The following AKR1A1 variants were observed in gnomAD, a reference collection of about 807,000 sequenced individuals.
The protein encoded by AKR1A1 is aldo-keto reductase family 1 member A1, also known as HEL-S-165mP.
AKR1A1 carries 26 observed loss-of-function variants against 39.2 expected under a neutral mutation model. The observed-to-expected ratio is 0.66, with a 90% CI of 0.49 to 0.92. The LOEUF (loss-of-function observed/expected upper bound fraction) is 0.92. Among genes scored for constraint, AKR1A1 ranks in the 40% least tolerant of loss-of-function variants. The pLI, the probability that AKR1A1 is intolerant of heterozygous loss-of-function variation, is 0.00. For missense variants in AKR1A1, 378 were observed against 406.5 expected (o/e 0.93, Z 0.60); for synonymous variants, 141 against 155.5 (o/e 0.91, Z 0.69).
At chr1:45,558,697 C>T (rs1418149933) in intron 1 of AKR1A1, among the ~76,000 whole-genome samples, 1 of 151,992 alleles carries the variant, frequency 6.6e-6, no homozygotes, top group Non-Finnish European at 1.5e-5. Flanking sequence ...CAAACCCGGC[C>T]TAATTTTTGT....
chr1:45,563,280 A>C (rs910363542), intron 2 of AKR1A1, among the ~76,000 whole-genome samples: 25 of 151,736 alleles, frequency 1.6e-4, no homozygotes, highest in Admixed American at 1.5e-3. Context: ...CACACCTGTA[A>C]TCCCAGCTAC....
At chr1:45,567,867 C>G in intron 4 of AKR1A1, 115 bp from the exon 5 acceptor site, 1 of 868,716 alleles carries the variant, frequency 1.2e-6, no homozygotes, top group Non-Finnish European at 1.7e-6. Context: ...TTTAAAAATT[C>G]TTGGCCCTTT....
intron 1 of AKR1A1, among the ~76,000 whole-genome samples, chr1:45,553,878 C>T (rs987593941): frequency 2.0e-4 from 30 of 152,146 alleles, no homozygotes; most frequent in African/African-American, 6.5e-4. Flanking sequence ...ACCTGTAGTC[C>T]CAGCTACTCG....
chr1:45,558,187 G>A (rs506094), intron 1 of AKR1A1, among the ~76,000 whole-genome samples: 2,263 of 150,794 alleles, frequency 0.015, 56 homozygotes, highest in African/African-American at 0.049. Context: ...AAGTGCTGGG[G>A]TTACAGACGT....
At chr1:45,563,713 C>T (rs182840730) in intron 2 of AKR1A1, among the ~76,000 whole-genome samples, 28 of 152,008 alleles carry the variant, frequency 1.8e-4, no homozygotes, top group African/African-American at 6.3e-4. Context: ...CACTTGAATC[C>T]GGGAGGCGGA....
chr1:45,555,075 G>T (rs1312944402), intron 1 of AKR1A1, among the ~76,000 whole-genome samples: 2 of 152,112 alleles, frequency 1.3e-5, no homozygotes, highest in African/African-American at 4.8e-5. Flanking sequence ...CAGGGCTTTG[G>T]TCTTTTGGTG....
Position 45,569,248 on chromosome 1 carries a change from C to T in AKR1A1, c.912+19C>T, listed in dbSNP as rs1644384946. On this transcript the variant is annotated intron_variant, in intron 8 of 8. Transcript: ENST00000351829. The stretch of plus-strand genomic sequence containing the variant: ...GCTTACGGTGAGGATGTATCAGCCT[C>T]CTAGACTTGGGGAATGTGAGATTTG... 6.2e-7 allele frequency: 1 copy of T among 1,604,228 alleles called. No individual in the cohort carries two copies. The highest frequency in any genetic ancestry group is 8.5e-7 in the Non-Finnish European group (1 of 1,171,006).
intron 8 of AKR1A1, 58 bp from the exon 9 acceptor site, chr1:45,569,832 TG>T: frequency 6.8e-7 from 1 of 1,475,930 alleles, no homozygotes; most frequent in Non-Finnish European, 9.5e-7. Flanking sequence ...GGAAGATGCC[TG>T]GAGTCTTTGG....
intron 1 of AKR1A1, among the ~76,000 whole-genome samples, chr1:45,559,836 C>T (rs1266110086): frequency 2.6e-5 from 4 of 151,228 alleles, no homozygotes; most frequent in Admixed American, 6.6e-5. Context: ...TTAGTAGAGA[C>T]GGGGTTTCGC....
chr1:45,566,843 A>C (rs1469920587), intron 3 of AKR1A1, 26 bp from the exon 4 acceptor site: 5 of 1,610,096 alleles, frequency 3.1e-6, no homozygotes, highest in Non-Finnish European at 4.2e-6. Flanking sequence ...GGCTCTTCTC[A>C]CTGTGGGCCC....
intron 5 of AKR1A1, 65 bp from the exon 6 acceptor site, chr1:45,568,420 G>A (rs1644373380): frequency 1.3e-6 from 2 of 1,570,750 alleles, no homozygotes; most frequent in African/African-American, 2.7e-5. Flanking sequence ...AGACATGCAT[G>A]TCTGGGATGG....
intron 1 of AKR1A1, among the ~76,000 whole-genome samples, chr1:45,560,453 G>A (rs1348064152): frequency 6.6e-6 from 1 of 152,126 alleles, no homozygotes; most frequent in Non-Finnish European, 1.5e-5. Flanking sequence ...CTCTAAAAAA[G>A]TTTAAAAACA....
chr1:45,561,032 T>G (rs1333722426), intron 1 of AKR1A1, among the ~76,000 whole-genome samples: 1 of 152,134 alleles, frequency 6.6e-6, no homozygotes, highest in Admixed American at 6.5e-5. Flanking sequence ...TGGCCGAGAA[T>G]CTCTGTAGTT....
Position 45,568,483 on chromosome 1 carries a change from A to G in AKR1A1, c.553-2A>G. 1 of 1,613,566 alleles carries G rather than the reference A, an allele frequency of 6.2e-7. No individual in the cohort carries two copies. The highest frequency in any genetic ancestry group is 2.2e-5 in the East Asian group (1 of 44,880). The stretch of plus-strand genomic sequence containing the variant: ...ATGGTGATGGGTTATTCTTTGGCTC[A>G]GGTGGAATGCCACCCATACTTGGCT... On this transcript the variant is annotated splice_acceptor_variant, in intron 5 of 8. Coordinates refer to ENST00000351829, the MANE Select transcript of AKR1A1 (RefSeq NM_153326.3). LOFTEE classifies it high-confidence loss of function.
In AKR1A1 at chr1:45,567,983, C is replaced by T. The variant is rs755403104; in HGVS notation, c.358C>T (p.Arg120Trp). Residue 120 changes from arginine to tryptophan, a missense_variant and splice_region_variant, in exon 5 of 9, where the codon CGG becomes TGG. Physicochemically the swap from Arg to Trp is moderately radical, Grantham distance 101. Coordinates refer to ENST00000351829, the MANE Select transcript of AKR1A1 (RefSeq NM_153326.3). ...YLMHWPYAFE[R>W]GDNPFPKNAD... is the part of the protein sequence containing the mutation. ...TTGGTGGGGCTGTCTCTCACTCAGG[C>T]GGGGAGACAACCCCTTCCCCAAGAA... The T allele has an allele frequency of 3.0e-5, 49 of 1,609,506 alleles. No homozygotes were observed. Among genetic ancestry groups the T allele is most frequent in the South Asian group, 1.8e-4 (16 of 90,646 alleles).
chr1:45,556,246 T>TCC (rs1319793314), intron 1 of AKR1A1, among the ~76,000 whole-genome samples: 1 of 152,178 alleles, frequency 6.6e-6, no homozygotes, highest in Non-Finnish European at 1.5e-5. Flanking sequence ...AATACCCTCC[T>TCC]CCCCACTCAA....
intron 1 of AKR1A1, among the ~76,000 whole-genome samples, chr1:45,558,196 G>A (rs551268815): frequency 5.3e-5 from 8 of 151,218 alleles, no homozygotes; most frequent in South Asian, 2.1e-4. Context: ...GGTTACAGAC[G>A]TTAGCCACTG....
At chr1:45,564,286 GGGCAT>G (rs1644312490) in intron 2 of AKR1A1, among the ~76,000 whole-genome samples, 1 of 152,148 alleles carries the variant, frequency 6.6e-6, no homozygotes, top group Non-Finnish European at 1.5e-5. Context: ...GGCCAAGGCG[GGGCAT>G]GGAACAGCAG....
Position 45,569,890 on chromosome 1 carries a change from G to A in AKR1A1, c.913-1G>A. Reference sequence around the variant, plus strand: ...AGTAATCTATCTGTCTCTCTTTCCAGGTGGATGGGAAGAGAGTCCCAAGGG... The same window carrying A: ...AGTAATCTATCTGTCTCTCTTTCCAAGTGGATGGGAAGAGAGTCCCAAGGG... On this transcript the variant is annotated splice_acceptor_variant, in intron 8 of 8. Transcript: ENST00000351829. LOFTEE classifies it high-confidence loss of function. 6.2e-7 allele frequency: 1 copy of A among 1,613,404 alleles called. No individual in the cohort carries two copies. The highest frequency in any genetic ancestry group is 8.5e-7 in the Non-Finnish European group (1 of 1,179,384).
Sources: allele counts gnomAD v4.1 joint callset (sites outside exome capture counted in the v4.1 genomes callset), GRCh38; gene constraint gnomAD v4.1.1; transcripts MANE v1.5; gene names NCBI Gene and HGNC (gene_info 2026-07-23, HGNC 2026-07-21).